SCUBE2: variants seen among roughly 807,000 people sequenced by gnomAD.
SCUBE2 encodes the protein signal peptide, CUB and EGF-like domain-containing protein 2.
In SCUBE2, 114 loss-of-function variants were observed where a neutral mutation model predicts 125.9. The ratio of observed to expected loss-of-function variants is 0.91; its 90% CI spans 0.78 to 1.06. The LOEUF is 1.06. SCUBE2 is among the 50% of genes least tolerant of loss of function. The probability of loss-of-function intolerance (pLI) is 0.00; values close to 1 mark genes in which losing one functional copy is unlikely to be tolerated. For missense variants in SCUBE2, 1,255 were observed against 1,301.8 expected (o/e 0.96, Z 0.55); for synonymous variants, 459 against 492.9 (o/e 0.93, Z 0.91).
chr11:9,046,515 A>G (rs1310984209), intron 16 of SCUBE2, among the ~76,000 whole-genome samples: 1 of 152,064 alleles, frequency 6.6e-6, no homozygotes, highest in Non-Finnish European at 1.5e-5. Context: ...GTGAGGCCTA[A>G]CCCCAACAGG....
chr11:9,063,705 A>T (rs992070020), intron 7 of SCUBE2, among the ~76,000 whole-genome samples: 10 of 152,208 alleles, frequency 6.6e-5, no homozygotes, highest in African/African-American at 2.4e-4. Flanking sequence ...CCAACAGGAG[A>T]GCGGCAAAGG....
At chr11:9,064,298 C>T (rs1042866209) in intron 7 of SCUBE2, among the ~76,000 whole-genome samples, 2 of 151,916 alleles carry the variant, frequency 1.3e-5, no homozygotes, top group African/African-American at 4.8e-5. Flanking sequence ...AAAACCCTGT[C>T]TCTACAAAAA....
chr11:9,034,908 T>C (rs1856631340), intron 16 of SCUBE2, among the ~76,000 whole-genome samples: 1 of 152,108 alleles, frequency 6.6e-6, no homozygotes, highest in Admixed American at 6.5e-5. Context: ...GGCAGGAGAA[T>C]TGCTTGAGCT....
rs760664033 is a variant in SCUBE2, at chr11:9,079,487, C to T, written c.279G>A (p.Glu93=). The change falls in exon 3 of 23, where the codon GAG becomes GAA. Residue 93 remains glutamate, a synonymous_variant. Coordinates refer to ENST00000649792, the MANE Select transcript of SCUBE2 (RefSeq NM_001367977.2). ...QCEDIDECGN[E]LNGGCVHDCL... Reference sequence around the variant, plus strand: ...AGTCATGGACACAGCCTCCATTGAGCTCATTTCCACATTCATCGATGTCTG... The same window carrying T: ...AGTCATGGACACAGCCTCCATTGAGTTCATTTCCACATTCATCGATGTCTG... 6.2e-6 allele frequency: 10 copies of T among 1,613,700 alleles called. No individual in the cohort carries two copies. The African/African-American group carries it at 9.3e-5, about 15-fold the overall frequency.
intron 9 of SCUBE2, 50 bp from the exon 10 acceptor site, chr11:9,055,959 G>T: frequency 7.2e-7 from 1 of 1,387,566 alleles, no homozygotes; most frequent in Non-Finnish European, 1.0e-6. Context: ...TGAGGGATGA[G>T]TGAAGAATAG....
In SCUBE2 at chr11:9,048,103, A is replaced by G. The variant is rs1857987800; in HGVS notation, c.1640-5T>C. 10 of 1,598,808 alleles carry G rather than the reference A, an allele frequency of 6.3e-6. No individual in the cohort carries two copies. The highest frequency in any genetic ancestry group is 3.3e-5 in the South Asian group (3 of 89,648). On this transcript the variant is annotated splice_region_variant and splice_polypyrimidine_tract_variant and intron_variant, in intron 14 of 22. Coordinates refer to ENST00000649792, the MANE Select transcript of SCUBE2 (RefSeq NM_001367977.2). ...CTTTTACTGAGCTGTGCTTCTCTGT[A>G]TGAAGAAACAAAATTATCGGAAGCC...
Position 9,059,545 on chromosome 11 carries a change from G to C in SCUBE2, c.968-120C>G, listed in dbSNP as rs1016827630. The C allele has an allele frequency of 5.5e-6, 7 of 1,261,962 alleles. No homozygotes were observed. In the African/African-American group the frequency reaches 1.0e-4, roughly 19 times the overall value. The allele number at this position is 1,261,962 out of a possible 1,614,324, so 78.2% of individuals were successfully genotyped here. A position where few individuals can be genotyped will look rare whatever the true frequency, so the allele number is the denominator to read the frequency against. ...GAAATTAAGAAAAAGACTCACAAAA[G>C]CATTTAAGAATGTTTGCTGATGTTT... On this transcript the variant is annotated intron_variant, in intron 8 of 22. Transcript: ENST00000649792.
At chr11:9,085,141 C>T (rs1861948147) in intron 2 of SCUBE2, among the ~76,000 whole-genome samples, 1 of 152,108 alleles carries the variant, frequency 6.6e-6, no homozygotes, top group African/African-American at 2.4e-5. Flanking sequence ...CTGTCACAGA[C>T]TGGAGGAGAC....
At chr11:9,050,764 C>G in intron 13 of SCUBE2, 54 bp from the exon 14 acceptor site, 1 of 1,381,778 alleles carries the variant, frequency 7.2e-7, no homozygotes, top group East Asian at 2.3e-5. Flanking sequence ...GGAATGGAGA[C>G]ACCAGATGGG....
At chr11:9,065,752 C>T in intron 7 of SCUBE2, 139 bp downstream of exon 7, 1 of 676,868 alleles carries the variant, frequency 1.5e-6, no homozygotes, top group Non-Finnish European at 2.7e-6. Context: ...AACAGACACA[C>T]ACCCTGGTTC....
At chr11:9,079,980 C>T (rs1160253396) in intron 2 of SCUBE2, among the ~76,000 whole-genome samples, 7 of 152,124 alleles carry the variant, frequency 4.6e-5, no homozygotes, top group Non-Finnish European at 1.5e-5. Flanking sequence ...TATGGAAATG[C>T]AAAAGACTCA....
chr11:9,060,296 T>C, intron 8 of SCUBE2, 112 bp downstream of exon 8: 1 of 761,894 alleles, frequency 1.3e-6, no homozygotes, highest in Non-Finnish European at 2.2e-6. Context: ...CATAAGCAAA[T>C]CTCGAGTCAC....
chr11:9,029,813 C>T, intron 19 of SCUBE2, 71 bp downstream of exon 19: 1 of 1,567,190 alleles, frequency 6.4e-7, no homozygotes, highest in Non-Finnish European at 8.8e-7. Context: ...CCCCGTGCCC[C>T]CTGCTCTGAG....
Position 9,027,471 on chromosome 11 carries a change from G to A in SCUBE2, c.2594C>T (p.Thr865Met), listed in dbSNP as rs150620969. The A allele has an allele frequency of 3.7e-6, 6 of 1,613,948 alleles. No individual in the cohort carries two copies. The African/African-American group carries it at 5.3e-5, about 14-fold the overall frequency. The change falls in exon 20 of 23, where the codon ACG becomes ATG. Residue 865 changes from threonine to methionine, a missense_variant. Physicochemically the swap from Thr to Met is moderately conservative, Grantham distance 81 (BLOSUM62 -1). Around this residue, in one of 3 missense-constraint regions of SCUBE2, gnomAD observed 515 missense variants for 515.7 expected, o/e 1.00. Transcript: ENST00000649792. ...PGNYPANTEC[T>M]WTINPPPKRR... ...CTTGGGGGGTGGGTTGATGGTCCAC[G>A]TACACTCGGTGTTGGCTGGGTAATT...
intron 2 of SCUBE2, among the ~76,000 whole-genome samples, chr11:9,088,721 G>A (rs1862339546): frequency 6.6e-6 from 1 of 152,208 alleles, no homozygotes; most frequent in Admixed American, 6.5e-5. Context: ...AGCAAGGAGG[G>A]ATACTCAGAG....
chr11:9,085,947 C>A (rs1370708372), intron 2 of SCUBE2, among the ~76,000 whole-genome samples: 1 of 151,976 alleles, frequency 6.6e-6, no homozygotes, highest in East Asian at 1.9e-4. Flanking sequence ...ATCCTCCCAC[C>A]TCAGCCTCTG....
At chr11:9,074,982 G>A (rs895563307) in intron 3 of SCUBE2, among the ~76,000 whole-genome samples, 6 of 152,140 alleles carry the variant, frequency 3.9e-5, no homozygotes, top group Non-Finnish European at 8.8e-5. Context: ...TTGGGAGGCT[G>A]AGGCAGGCGG....
intron 21 of SCUBE2, 179 bp from the exon 22 acceptor site, chr11:9,022,134 T>C: frequency 3.5e-6 from 2 of 572,642 alleles, no homozygotes; most frequent in Non-Finnish European, 6.4e-6. Context: ...CCACCTCTCT[T>C]CACCTACCAG....
intron 8 of SCUBE2, chr11:9,059,724 G>C (rs145838498): frequency 2.0e-4 from 69 of 344,762 alleles, no homozygotes; most frequent in African/African-American, 1.3e-3. Context: ...TCTCATCTTT[G>C]TATTGCTCTC....
Sources: allele counts gnomAD v4.1 joint callset (sites outside exome capture counted in the v4.1 genomes callset), GRCh38; gene constraint gnomAD v4.1.1; regional missense constraint gnomAD v4.1.1; transcripts MANE v1.5; gene names NCBI Gene and HGNC (gene_info 2026-07-23, HGNC 2026-07-21).